The following CAST variants were observed in gnomAD, a reference collection of about 807,000 sequenced individuals.
The protein encoded by CAST is calpastatin.
CAST carries 76 observed loss-of-function variants against 119.6 expected under a neutral mutation model. The ratio of observed to expected loss-of-function variants is 0.64; its 90% CI spans 0.53 to 0.77. CAST has a LOEUF of 0.77. Ranked by LOEUF, CAST falls within the 30% of genes least tolerant of loss-of-function variation. The pLI, the probability that CAST is intolerant of heterozygous loss-of-function variation, is 0.00. For missense variants in CAST, 953 were observed against 946.5 expected (o/e 1.01, Z -0.09); for synonymous variants, 319 against 331.6 (o/e 0.96, Z 0.41).
chr5:96,217,476 CG>C, the CAST span, among the ~76,000 whole-genome samples: 2 of 151,850 alleles, frequency 1.3e-5, no homozygotes, highest in Admixed American at 1.3e-4. Context: ...CATTTGGTGC[CG>C]CTCCCTTGAT....
the CAST span, among the ~76,000 whole-genome samples, chr5:96,303,406 C>T: frequency 2.0e-5 from 3 of 152,162 alleles, no homozygotes; most frequent in African/African-American, 7.2e-5. Context: ...CAATACATAA[C>T]ATCATGTCAT....
chr5:96,119,336 C>T, the CAST span, among the ~76,000 whole-genome samples: 1 of 152,076 alleles, frequency 6.6e-6, no homozygotes, highest in African/African-American at 2.4e-5. Context: ...AAAACAAAAA[C>T]AACCCAAACC....
chr5:96,693,997 C>T (rs1753007515), intron 2 of CAST, among the ~76,000 whole-genome samples: 1 of 152,066 alleles, frequency 6.6e-6, no homozygotes, highest in Non-Finnish European at 1.5e-5. Flanking sequence ...GGCGAGTGGA[C>T]ACATAGAGAT....
intron 3 of CAST, chr5:96,714,745 A>T (rs983684692): frequency 2.0e-5 from 3 of 152,222 alleles, no homozygotes; most frequent in Non-Finnish European, 2.9e-5. Flanking sequence ...CTGCTTTTCT[A>T]TTCTTTGATG....
At chr5:96,743,989 G>A (rs1338199270) in intron 16 of CAST, among the ~76,000 whole-genome samples, 1 of 152,062 alleles carries the variant, frequency 6.6e-6, no homozygotes, top group Non-Finnish European at 1.5e-5. Flanking sequence ...ATGTGGGAAG[G>A]GAGGGTATAA....
chr5:96,747,320 C>T, intron 17 of CAST, 25 bp from the exon 18 acceptor site: 1 of 1,505,958 alleles, frequency 6.6e-7, no homozygotes, highest in Non-Finnish European at 9.2e-7. Flanking sequence ...ATTTCATTTC[C>T]AATGAATTTT....
chr5:96,485,912 G>A, the CAST span, among the ~76,000 whole-genome samples: 239 of 152,172 alleles, frequency 1.6e-3, no homozygotes, highest in Non-Finnish European at 3.0e-3. Context: ...AAAAGTTAAG[G>A]TTTTCTTTTG....
At chr5:96,447,752 G>A in the CAST span, among the ~76,000 whole-genome samples, 3 of 152,098 alleles carry the variant, frequency 2.0e-5, no homozygotes. Context: ...TCAAGCATGT[G>A]GGAGTTGTGT....
intron 1 of CAST, among the ~76,000 whole-genome samples, chr5:96,611,681 G>T (rs879704516): frequency 3.9e-5 from 6 of 151,996 alleles, no homozygotes; most frequent in Non-Finnish European, 8.8e-5. Context: ...CTACAAAATG[G>T]GAGAAGATAT....
intron 2 of CAST, among the ~76,000 whole-genome samples, chr5:96,680,747 T>G (rs1751309770): frequency 6.6e-6 from 1 of 152,196 alleles, no homozygotes; most frequent in Admixed American, 6.5e-5. Context: ...GGAGGAGAAA[T>G]TTACTTCTTA....
the CAST span, among the ~76,000 whole-genome samples, chr5:96,325,332 G>A: frequency 6.6e-6 from 1 of 152,036 alleles, no homozygotes; most frequent in African/African-American, 2.4e-5. Flanking sequence ...AATTTGGGAT[G>A]TAAAATCAGC....
chr5:96,154,777 G>T, the CAST span, among the ~76,000 whole-genome samples: 2 of 152,138 alleles, frequency 1.3e-5, no homozygotes, highest in Non-Finnish European at 2.9e-5. Context: ...GAATAGACTG[G>T]GTTATAGGAT....
intron 1 of CAST, among the ~76,000 whole-genome samples, chr5:96,631,812 G>A (rs1236448456): frequency 1.3e-5 from 2 of 152,100 alleles, no homozygotes; most frequent in African/African-American, 2.4e-5. Flanking sequence ...GATTACAGGC[G>A]TGAGCCACTG....
the CAST span, among the ~76,000 whole-genome samples, chr5:96,039,810 G>A: frequency 6.6e-6 from 1 of 152,180 alleles, no homozygotes; most frequent in Non-Finnish European, 1.5e-5. Context: ...GTAGCGTGAT[G>A]CCTCCAGCAT....
At chr5:96,438,083 CT>C in the CAST span, among the ~76,000 whole-genome samples, 1 of 152,064 alleles carries the variant, frequency 6.6e-6, no homozygotes, top group Non-Finnish European at 1.5e-5. Flanking sequence ...CATCCCCAAC[CT>C]TTTTAACACT....
At chr5:96,032,963 G>T in the CAST span, among the ~76,000 whole-genome samples, 1 of 152,018 alleles carries the variant, frequency 6.6e-6, no homozygotes, top group Admixed American at 6.6e-5. Flanking sequence ...GCACTAATAA[G>T]CAAATTCAGT....
chr5:96,480,654 A>G, the CAST span, among the ~76,000 whole-genome samples: 4 of 152,178 alleles, frequency 2.6e-5, no homozygotes, highest in Non-Finnish European at 5.9e-5. Context: ...CTAGCAGAGG[A>G]CAAGAATTCC....
chr5:96,195,197 T>C, the CAST span, among the ~76,000 whole-genome samples: 1 of 152,190 alleles, frequency 6.6e-6, no homozygotes, highest in Non-Finnish European at 1.5e-5. Flanking sequence ...AAACTAGAGA[T>C]GTGATTACCC....
chr5:96,734,798 A>G (rs1306264460), intron 9 of CAST, among the ~76,000 whole-genome samples: 1 of 152,228 alleles, frequency 6.6e-6, no homozygotes, highest in Non-Finnish European at 1.5e-5. Flanking sequence ...ACTGAGGAGG[A>G]AAGAGGTGTC....
Sources: gnomAD v4.1 joint callset for allele counts (sites outside exome capture counted in the v4.1 genomes callset) on GRCh38, gnomAD v4.1.1 for gene constraint, MANE v1.5 for transcripts, NCBI Gene and HGNC (gene_info 2026-07-23, HGNC 2026-07-21) for gene names.